The following DRP2 variants were observed in gnomAD, a reference collection of about 807,000 sequenced individuals.
DRP2 encodes dystrophin-related protein 2.
In DRP2, 29 loss-of-function variants were observed where a neutral mutation model predicts 78.2. The ratio of observed to expected loss-of-function variants is 0.37; its 90% CI spans 0.28 to 0.51. DRP2 has a LOEUF of 0.51. DRP2 is among the 20% of genes least tolerant of loss of function. DRP2 has a pLI of 0.94. For synonymous variants in DRP2, 290 were observed against 281.9 expected, an observed-to-expected ratio of 1.03 and a Z score of -0.29; for missense variants, 686 against 770.6, an observed-to-expected ratio of 0.89 and a Z score of 1.30.
At chrX:101,240,311 C>A (rs1489390115) in intron 6 of DRP2, among the ~76,000 whole-genome samples, 1 of 99,522 alleles carries the variant, frequency 1.0e-5, no homozygotes, top group Non-Finnish European at 2.1e-5. Context: ...GCAGCCTTGA[C>A]CTCCCAGGCC....
chrX:101,224,199 T>TTG (rs1922017157), intron 1 of DRP2, among the ~76,000 whole-genome samples: 1 of 66,105 alleles, frequency 1.5e-5, no homozygotes, highest in African/African-American at 6.3e-5. Context: ...TTGTTTTTTT[T>TTG]TTTTTTTTTT....
intron 12 of DRP2, 148 bp from the exon 13 acceptor site, chrX:101,247,941 G>A (rs1922987194): frequency 2.0e-6 from 1 of 508,053 alleles, no homozygotes; most frequent in African/African-American, 2.4e-5. Context: ...GAGGGTCTTA[G>A]TAAAGGACAA....
rs1282399803 is a variant in DRP2 at position 101,236,023 on chromosome X, G to A, written c.281G>A (p.Arg94His). Residue 94 changes from arginine (R) to histidine (H), a missense_variant and splice_region_variant, in exon 4 of 24, where the codon CGC becomes CAC. Arg to His is a conservative substitution (Grantham distance 29). Coordinates refer to ENST00000395209, the MANE Select transcript of DRP2 (RefSeq NM_001939.3). The stretch of plus-strand genomic sequence containing the variant: ...ATAAAAAAGAAGTCTCACAACCTCC[G>A]GTAAGAAACAGGTGCCTTAGGGAAT... ...NEIKKKSHNL[R>H]ARLEAFSDHS... 9.9e-6 allele frequency: 12 copies of A among 1,211,425 alleles called. No individual in the cohort carries two copies. The East Asian group carries it at 2.1e-4, about 21-fold the overall frequency.
intron 5 of DRP2, among the ~76,000 whole-genome samples, chrX:101,238,616 G>A (rs931448366): frequency 3.6e-5 from 4 of 111,181 alleles, no homozygotes; most frequent in South Asian, 3.8e-4. Context: ...TGTGTATCCC[G>A]TATATATTTC....
intron 3 of DRP2, among the ~76,000 whole-genome samples, chrX:101,235,581 A>G (rs886429898): frequency 8.9e-6 from 1 of 112,238 alleles, no homozygotes; most frequent in African/African-American, 3.2e-5. Flanking sequence ...CCAGCTTGGG[A>G]ATGTTAACCT....
At chrX:101,232,250 C>T (rs1043149023) in intron 3 of DRP2, among the ~76,000 whole-genome samples, 4 of 111,299 alleles carry the variant, frequency 3.6e-5, no homozygotes, top group African/African-American at 1.3e-4. Context: ...TCTGCCTGTC[C>T]TCTCTGCTCC....
chrX:101,238,872 C>A, intron 5 of DRP2, 109 bp from the exon 6 acceptor site: 1 of 1,002,403 alleles, frequency 1.0e-6, no homozygotes, highest in Non-Finnish European at 1.3e-6. Context: ...CTGATAATGC[C>A]AAAGAATCAA....
intron 9 of DRP2, among the ~76,000 whole-genome samples, chrX:101,243,397 C>CAAAAAAAAAA (rs768951598): frequency 3.4e-5 from 1 of 29,127 alleles, no homozygotes; most frequent in Non-Finnish European, 6.1e-5. Context: ...AACTCCGTCT[C>CAAAAAAAAAA]AAAAAAAAAA....
At chrX:101,245,218 C>T in intron 10 of DRP2, 141 bp downstream of exon 10, 1 of 815,227 alleles carries the variant, frequency 1.2e-6, no homozygotes, top group South Asian at 2.5e-5. Context: ...ATCTCAAGAT[C>T]TCAAGATTCT....
intron 2 of DRP2, among the ~76,000 whole-genome samples, chrX:101,230,124 C>A (rs770890676): frequency 8.9e-6 from 1 of 112,308 alleles, no homozygotes; most frequent in African/African-American, 3.2e-5. Context: ...CAGAGTCATG[C>A]TGTCTGCTTC....
At position 101,256,212 on chromosome X, in the gene DRP2, A is replaced by G. The variant is rs1923332550; in HGVS notation, c.2341A>G (p.Ser781Gly). Residue 781 changes from serine (S) to glycine (G), a missense_variant, in exon 21 of 24, where the codon AGC becomes GGC. This residue lies in a region of DRP2 where 423 missense variants were observed against 531.5 expected (regional missense o/e 0.80). Transcript: ENST00000395209. ...QQAPCSVATE[S>G]KGELQKILAH... Reference sequence around the variant, plus strand: ...GGCTCCATGCAGTGTGGCCACAGAAAGCAAAGGGGAGCTACAGAAGATCCT... The same window carrying G: ...GGCTCCATGCAGTGTGGCCACAGAAGGCAAAGGGGAGCTACAGAAGATCCT... 1.7e-6 allele frequency: 2 copies of G among 1,204,560 alleles called. No homozygotes were observed. The highest frequency in any genetic ancestry group is 2.2e-6 in the Non-Finnish European group (2 of 892,997).
intron 10 of DRP2, 27 bp from the exon 11 acceptor site, chrX:101,245,361 T>C: frequency 1.7e-6 from 2 of 1,184,936 alleles, no homozygotes; most frequent in Non-Finnish European, 2.3e-6. Context: ...GTATAGATGC[T>C]GGTACTATTG....
intron 14 of DRP2, among the ~76,000 whole-genome samples, chrX:101,249,150 C>T (rs1923041960): frequency 8.9e-6 from 1 of 112,006 alleles, no homozygotes. Context: ...TTGTTGAGTC[C>T]TAATATGTGA....
chrX:101,235,772 C>T (rs1320660906), intron 3 of DRP2, 88 bp from the exon 4 acceptor site: 35 of 975,513 alleles, frequency 3.6e-5, no homozygotes, highest in Non-Finnish European at 4.7e-5. Flanking sequence ...CTTCTCTCCC[C>T]TTGTTCACAC....
intron 6 of DRP2, among the ~76,000 whole-genome samples, chrX:101,240,024 C>T (rs1003796158): frequency 5.4e-5 from 6 of 111,764 alleles, no homozygotes; most frequent in Non-Finnish European, 1.1e-4. Flanking sequence ...GCCTGGGCAA[C>T]AGAGCAAGAC....
chrX:101,237,009 G>T (rs192488394), intron 4 of DRP2, among the ~76,000 whole-genome samples: 1 of 111,386 alleles, frequency 9.0e-6, no homozygotes, highest in Admixed American at 9.5e-5. Context: ...GGGGTAGGAG[G>T]GCAGACAGAG....
Position 101,248,273 on chromosome X carries a change from C to T in DRP2, c.1437C>T (p.Leu479=), listed in dbSNP as rs1923003557. 2 of 1,211,128 alleles carry T rather than the reference C, an allele frequency of 1.7e-6. No individual in the cohort carries two copies. The highest frequency in any genetic ancestry group is 2.2e-6 in the Non-Finnish European group (2 of 895,238). Residue 479 remains leucine, a synonymous_variant, in exon 13 of 24, where the codon CTC becomes CTT. Transcript: ENST00000395209. ...PLCVDMSLNW[L]LNVFDSGRSG... ...GTGTGGACATGAGCCTCAATTGGCT[C>T]CTCAATGTTTTTGATAGGTAAGGGC...
At chrX:101,239,837 A>G (rs915237804) in intron 6 of DRP2, among the ~76,000 whole-genome samples, 3 of 111,185 alleles carry the variant, frequency 2.7e-5, no homozygotes, top group Admixed American at 9.5e-5. Flanking sequence ...TCGGCCTCCC[A>G]AAGTGCTGGG....
At chrX:101,223,890 G>A (rs903914876) in intron 1 of DRP2, among the ~76,000 whole-genome samples, 4 of 111,568 alleles carry the variant, frequency 3.6e-5, no homozygotes, top group Non-Finnish European at 7.5e-5. Context: ...TACATCTGAA[G>A]CAGAACCTTG....
Sources: gnomAD v4.1 joint callset for allele counts (sites outside exome capture counted in the v4.1 genomes callset) on GRCh38, gnomAD v4.1.1 for gene constraint, gnomAD v4.1.1 regional missense constraint, MANE v1.5 for transcripts, NCBI Gene and HGNC (gene_info 2026-07-23, HGNC 2026-07-21) for gene names.